Variants in ZNF57 observed in about 807,000 individuals in gnomAD.
ZNF57 encodes the protein zinc finger protein 57.
A neutral mutation model predicts 13.4 loss-of-function variants in ZNF57; 11 were observed. The observed-to-expected ratio is 0.82, with a 90% CI of 0.52 to 1.36. ZNF57 has a LOEUF of 1.36. ZNF57 is among the 40% of genes most tolerant of loss of function. The pLI is 0.00. For synonymous variants in ZNF57, 224 were observed against 238.5 expected (o/e 0.94, Z 0.56); for missense variants, 696 against 667.5 (o/e 1.04, Z -0.47).
rs1212426647 is a variant in ZNF57, at chr19:2,910,457, CTTTTTTTTTT to C, written c.4-5053_4-5044del. Among the ~76,000 whole-genome samples the C allele has an allele frequency of 5.8e-4, 5 of 8,634 alleles. 2 individuals carry two copies. Among genetic ancestry groups the C allele is most frequent in the Non-Finnish European group, 3.2e-4 (1 of 3,158 alleles). The allele number at this position is 8,634 out of a possible 152,430, so 5.7% of individuals were successfully genotyped here. On this transcript the variant is annotated intron_variant, in intron 1 of 3. Transcript: ENST00000306908. The stretch of plus-strand genomic sequence containing the variant: ...GTGCTTGATCTGTTTCTTTTCTTTT[CTTTTTTTTTT>C]TTTTTTTTTTTGAGACAGAGTCTCA...
At chr19:2,911,486 TTG>T (rs1396160202) in intron 1 of ZNF57, among the ~76,000 whole-genome samples, 1 of 151,988 alleles carries the variant, frequency 6.6e-6, no homozygotes, top group East Asian at 1.9e-4. Flanking sequence ...TGAACTGAGA[TTG>T]TGTCATCGCA....
chr19:2,905,030 C>A (rs2088060558), intron 1 of ZNF57, among the ~76,000 whole-genome samples: 1 of 152,162 alleles, frequency 6.6e-6, no homozygotes, highest in South Asian at 2.1e-4. Context: ...CTCTCCTTGC[C>A]CAGGTGTTAA....
rs769394489 is a variant in ZNF57 at position 2,900,997 on chromosome 19, C to T, written c.-49C>T. 39 of 1,551,332 alleles carry T rather than the reference C, an allele frequency of 2.5e-5. 1 individual carries two copies. The highest frequency in any genetic ancestry group is 3.3e-5 in the Non-Finnish European group (38 of 1,146,754). ...ACCTGTACCTTTCAGCTGCGCCGGCCGCGAGGCCACGGAGAGCTCGCCTTG... is the reference window on the plus strand; with the variant it reads ...ACCTGTACCTTTCAGCTGCGCCGGCTGCGAGGCCACGGAGAGCTCGCCTTG... On this transcript the variant is annotated 5_prime_UTR_variant, in exon 1 of 4. Coordinates refer to ENST00000306908, the MANE Select transcript of ZNF57 (RefSeq NM_173480.3).
chr19:2,903,185 C>T (rs917759967), intron 1 of ZNF57, among the ~76,000 whole-genome samples: 1 of 152,142 alleles, frequency 6.6e-6, no homozygotes, highest in South Asian at 2.1e-4. Context: ...GTCTTGGAGC[C>T]GTTTCTAAGC....
chr19:2,915,978 T>G, intron 2 of ZNF57, 100 bp from the exon 3 acceptor site: 2 of 1,316,724 alleles, frequency 1.5e-6, no homozygotes, highest in Non-Finnish European at 2.1e-6. Flanking sequence ...CCCTTATGTC[T>G]GTTATTGATG....
In ZNF57 at chr19:2,905,414, C is replaced by CG. The variant is rs1555677392; in HGVS notation, c.3+4366_3+4367insG. ...TCTTGACTTCAGGTGATCGCCCCCC[C>CG]CCCCTCGGCATTCCAAAGTATTTGC... On this transcript the variant is annotated intron_variant, in intron 1 of 3. Coordinates refer to ENST00000306908, the MANE Select transcript of ZNF57 (RefSeq NM_173480.3). Among the ~76,000 whole-genome samples the CG allele has an allele frequency of 3.0e-4, 22 of 73,554 alleles. 5 individuals carry two copies. The highest frequency in any genetic ancestry group is 2.0e-4 in the Non-Finnish European group (5 of 24,892). 48.3% of individuals were successfully genotyped at this position (73,554 alleles called of 152,430 possible). A position where few individuals can be genotyped will look rare whatever the true frequency, so the allele number is the denominator to read the frequency against.
chr19:2,918,124 G>A lies in ZNF57; in HGVS notation c.1503G>A (p.Glu501=), dbSNP rs2088231979. 6.2e-7 allele frequency: 1 copy of A among 1,614,232 alleles called. No individual in the cohort carries two copies. The highest frequency in any genetic ancestry group is 8.5e-7 in the Non-Finnish European group (1 of 1,180,046). ...ATCATGTGAGGATGCACACTGGAGA[G>A]AAACCTCACAAATGTAAACAATGTG... The part of the protein sequence containing the change: ...LHNHVRMHTG[E]KPHKCKQCGM... Residue 501 remains glutamate, a synonymous_variant, in exon 4 of 4, where the codon GAG becomes GAA. Coordinates refer to ENST00000306908, the MANE Select transcript of ZNF57 (RefSeq NM_173480.3).
In ZNF57 at chr19:2,917,962, C is replaced by G; in HGVS notation, c.1341C>G (p.Leu447=). ...EHVRIHTQEQ[L]HKCEHCGKAF... is the part of the protein sequence containing the mutation. Reference sequence around the variant, plus strand: ...TGAGAATTCACACGCAAGAGCAGCTCCATAAATGTGAACACTGTGGGAAGG... The same window carrying G: ...TGAGAATTCACACGCAAGAGCAGCTGCATAAATGTGAACACTGTGGGAAGG... The change falls in exon 4 of 4, where the codon CTC becomes CTG. Residue 447 remains leucine, a synonymous_variant. Coordinates refer to ENST00000306908, the MANE Select transcript of ZNF57 (RefSeq NM_173480.3). 1 of 1,613,154 alleles carries G rather than the reference C, an allele frequency of 6.2e-7. No homozygotes were observed. Among genetic ancestry groups the G allele is most frequent in the Non-Finnish European group, 8.5e-7 (1 of 1,179,770 alleles).
intron 1 of ZNF57, among the ~76,000 whole-genome samples, chr19:2,903,412 A>G (rs1043467051): frequency 4.6e-5 from 7 of 151,656 alleles, no homozygotes; most frequent in South Asian, 4.2e-4. Context: ...GGGTTTCGCC[A>G]TGTTGGCCAG....
chr19:2,914,074 A>C (rs1000423627), intron 1 of ZNF57, among the ~76,000 whole-genome samples: 13 of 152,194 alleles, frequency 8.5e-5, no homozygotes, highest in African/African-American at 3.1e-4. Context: ...AGTGTTCTGC[A>C]GATGTCTGCT....
Position 2,917,512 on chromosome 19 carries a change from A to C in ZNF57, c.891A>C (p.Arg297Ser). The C allele has an allele frequency of 6.2e-7, 1 of 1,613,716 alleles. No individual in the cohort carries two copies. The highest frequency in any genetic ancestry group is 8.5e-7 in the Non-Finnish European group (1 of 1,179,790). Residue 297 changes from arginine (R) to serine (S), a missense_variant, in exon 4 of 4, where the codon AGA becomes AGC. Arg to Ser is a moderately radical substitution (Grantham distance 110, BLOSUM62 -1). Around this residue, in one of 3 missense-constraint regions of ZNF57, gnomAD observed 645 missense variants for 591.5 expected, o/e 1.09. Coordinates refer to ENST00000306908, the MANE Select transcript of ZNF57 (RefSeq NM_173480.3). Reference sequence around the variant, plus strand: ...TCACTTACCCCCAGGCTTTTCAAAGACATGAGAAGACGCACACGGGAGAGA... The same window carrying C: ...TCACTTACCCCCAGGCTTTTCAAAGCCATGAGAAGACGCACACGGGAGAGA... ...KAFTYPQAFQ[R>S]HEKTHTGEKP...
rs377443332 is a variant in ZNF57, at chr19:2,913,766, A to G, written c.4-1756A>G. The stretch of plus-strand genomic sequence containing the variant: ...AGCAGTTCTCGTGCCTCACCCTCCC[A>G]AGTAGCTGGGAATCCACGTGTGTGC... On this transcript the variant is annotated intron_variant, in intron 1 of 3. Transcript: ENST00000306908. Among the ~76,000 whole-genome samples the G allele has an allele frequency of 9.2e-5, 14 of 152,138 alleles. No homozygotes were observed. In the East Asian group the frequency reaches 2.3e-3, roughly 25 times the overall value.
chr19:2,901,139 G>A, intron 1 of ZNF57, 91 bp downstream of exon 1: 3 of 1,459,880 alleles, frequency 2.1e-6, no homozygotes, highest in Non-Finnish European at 2.7e-6. Flanking sequence ...GGCCGGGATT[G>A]GCTGAGGGAC....
rs143668692 is a variant in ZNF57, at chr19:2,918,149, G to A, written c.1528G>A (p.Gly510Arg). Residue 510 changes from glycine (G) to arginine (R), a missense_variant, in exon 4 of 4, where the codon GGG becomes AGG. Transcript: ENST00000306908. ...GAAACCTCACAAATGTAAACAATGT[G>A]GGATGTCCTTCAAGTGGCACTCCTC... ...GEKPHKCKQC[G>R]MSFKWHSSFR... 135 of 1,614,084 alleles carry A rather than the reference G, an allele frequency of 8.4e-5. No homozygotes were observed. Among genetic ancestry groups the A allele is most frequent in the Non-Finnish European group, 1.1e-4 (129 of 1,180,040 alleles).
At chr19:2,913,579 T>C (rs2144931133) in intron 1 of ZNF57, among the ~76,000 whole-genome samples, 1 of 152,336 alleles carries the variant, frequency 6.6e-6, no homozygotes, top group African/African-American at 2.4e-5. Context: ...AATATCCACA[T>C]ATTAGTGAAT....
At chr19:2,909,320 G>C (rs1210050438) in intron 1 of ZNF57, among the ~76,000 whole-genome samples, 2 of 71,754 alleles carry the variant, frequency 2.8e-5, no homozygotes, top group Admixed American at 2.5e-4. Context: ...TCGCTCTGTC[G>C]CCCAGGCTGG....
At position 2,918,204 on chromosome 19, in the gene ZNF57, G is replaced by T. The variant is rs1310549500; in HGVS notation, c.1583G>T (p.Gly528Val). 1 of 1,614,204 alleles carries T rather than the reference G, an allele frequency of 6.2e-7. No individual in the cohort carries two copies. Among genetic ancestry groups the T allele is most frequent in the East Asian group, 2.2e-5 (1 of 44,892 alleles). ...SFRNHLRMHT[G>V]QKSHECQSYS... Reference sequence around the variant, plus strand: ...CGGAACCATCTGAGGATGCACACAGGACAGAAATCCCACGAATGTCAGTCA... The same window carrying T: ...CGGAACCATCTGAGGATGCACACAGTACAGAAATCCCACGAATGTCAGTCA... Residue 528 changes from glycine (G) to valine (V), a missense_variant, in exon 4 of 4, where the codon GGA (glycine) becomes GTA (valine). Around this residue, in one of 3 missense-constraint regions of ZNF57, gnomAD observed 645 missense variants for 591.5 expected, o/e 1.09. Coordinates refer to ENST00000306908, the MANE Select transcript of ZNF57 (RefSeq NM_173480.3).
Position 2,916,200 on chromosome 19 carries a change from GA to G in ZNF57, c.260del (p.Asn87IlefsTer14), listed in dbSNP as rs1480539486. The part of the protein sequence containing the change: ...TGNNSCAYTL[E>X]KNCEGYGTED... ...AAATAATTCCTGTGCCTACACTTTA[GA>G]AAAAAATTGTGAAGGCTATGGCACT... On this transcript the variant is annotated frameshift_variant, in exon 3 of 4. Transcript: ENST00000306908. LOFTEE classifies it low-confidence loss of function (END_TRUNC). The G allele has an allele frequency of 1.9e-6, 3 of 1,612,536 alleles. No individual in the cohort carries two copies. The highest frequency in any genetic ancestry group is 4.5e-5 in the East Asian group (2 of 44,854).
intron 1 of ZNF57, chr19:2,907,145 G>C (rs1036877074): frequency 5.3e-5 from 8 of 152,200 alleles, no homozygotes; most frequent in African/African-American, 1.9e-4. Context: ...GCACAGATGG[G>C]TCAGAGTAAA....
Sources: gnomAD v4.1 joint callset for allele counts (sites outside exome capture counted in the v4.1 genomes callset) on GRCh38, gnomAD v4.1.1 for gene constraint, gnomAD v4.1.1 regional missense constraint, MANE v1.5 for transcripts, NCBI Gene and HGNC (gene_info 2026-07-23, HGNC 2026-07-21) for gene names.